Variants in SCNN1G observed in about 807,000 individuals in gnomAD.
The protein encoded by SCNN1G is epithelial sodium channel subunit gamma.
SCNN1G carries 27 observed loss-of-function variants against 64.6 expected under a neutral mutation model. The observed-to-expected ratio is 0.42, with a 90% CI of 0.31 to 0.58. SCNN1G has a LOEUF of 0.58. Ranked by LOEUF, SCNN1G falls within the 20% of genes least tolerant of loss-of-function variation. The probability of loss-of-function intolerance (pLI) is 0.18; values close to 1 mark genes in which losing one functional copy is unlikely to be tolerated. For synonymous variants in SCNN1G, 330 were observed against 314.2 expected (o/e 1.05, Z -0.53); for missense variants, 743 against 823.4 (o/e 0.90, Z 1.19).
chr16:23,206,108 A>G (rs749091933), intron 6 of SCNN1G, among the ~76,000 whole-genome samples: 1 of 152,134 alleles, frequency 6.6e-6, no homozygotes, highest in Non-Finnish European at 1.5e-5. Context: ...TGGGCCCTAA[A>G]ACAGGGTGCA....
At chr16:23,189,904 C>T (rs369779446) in intron 3 of SCNN1G, among the ~76,000 whole-genome samples, 1 of 152,072 alleles carries the variant, frequency 6.6e-6, no homozygotes, top group East Asian at 1.9e-4. Context: ...AAACCCATCT[C>T]CACTAAAATA....
At position 23,212,710 on chromosome 16, in the gene SCNN1G, G is replaced by A. The variant is rs938304160; in HGVS notation, c.1327G>A (p.Val443Ile). 5.6e-6 allele frequency: 9 copies of A among 1,614,050 alleles called. No individual in the cohort carries two copies. The highest frequency in any genetic ancestry group is 1.3e-5 in the African/African-American group (1 of 74,916). Residue 443 changes from valine (V) to isoleucine (I), a missense_variant, in exon 9 of 13, where the codon GTC (valine) becomes ATC (isoleucine). Transcript: ENST00000300061. The stretch of plus-strand genomic sequence containing the variant: ...TTACTACCAACTGCATCGAGCCTTT[G>A]TCCAGGAAGAGCTGGGCTGCCAGTC... ...YCYYQLHRAF[V>I]QEELGCQSVC...
chr16:23,212,807 C>T, intron 9 of SCNN1G, 30 bp from the exon 10 acceptor site: 3 of 1,613,928 alleles, frequency 1.9e-6, no homozygotes, highest in Non-Finnish European at 1.7e-6. Flanking sequence ...GTTGGGCTGC[C>T]TACACTCATG....
At chr16:23,207,566 C>T (rs1342512039) in intron 6 of SCNN1G, among the ~76,000 whole-genome samples, 1 of 152,204 alleles carries the variant, frequency 6.6e-6, no homozygotes, top group Non-Finnish European at 1.5e-5. Flanking sequence ...GACACTCACT[C>T]TTGTTAGTGA....
At chr16:23,184,690 G>A (rs1289879988) in intron 1 of SCNN1G, among the ~76,000 whole-genome samples, 1 of 152,016 alleles carries the variant, frequency 6.6e-6, no homozygotes. Context: ...AAGCTTGGAA[G>A]CCTCCTAGCT....
At chr16:23,207,491 C>T (rs1464765403) in intron 6 of SCNN1G, among the ~76,000 whole-genome samples, 1 of 152,230 alleles carries the variant, frequency 6.6e-6, no homozygotes, top group Admixed American at 6.5e-5. Flanking sequence ...CTGGTGTGCA[C>T]TAGAGGCCCT....
chr16:23,191,822 G>A (rs967958499), intron 3 of SCNN1G, among the ~76,000 whole-genome samples: 14 of 152,176 alleles, frequency 9.2e-5, no homozygotes, highest in African/African-American at 3.1e-4. Flanking sequence ...AGTTCTCATT[G>A]TATATTTCAA....
Position 23,215,276 on chromosome 16 carries a change from G to A in SCNN1G, c.1757G>A (p.Arg586His), listed in dbSNP as rs148179456. ...KQAPPCPEAP[R>H]SPQGQDNPAL... ...GCTCCCCCATGTCCAGAAGCTCCCC[G>A]TAGCCCACAGGGCCAGGACAATCCA... The change falls in exon 13 of 13, where the codon CGT becomes CAT. Residue 586 changes from arginine to histidine, a missense_variant. Coordinates refer to ENST00000300061, the MANE Select transcript of SCNN1G (RefSeq NM_001039.4). The A allele has an allele frequency of 3.2e-5, 51 of 1,614,088 alleles. 1 individual carries two copies. The highest frequency in any genetic ancestry group is 1.7e-4 in the Admixed American group (10 of 60,014).
intron 6 of SCNN1G, among the ~76,000 whole-genome samples, chr16:23,206,899 G>A (rs1478899202): frequency 1.3e-5 from 2 of 152,118 alleles, no homozygotes; most frequent in Non-Finnish European, 2.9e-5. Flanking sequence ...GTCCCTAGGG[G>A]TCAGGATAGA....
rs1429772963 is a variant in SCNN1G at position 23,215,383 on chromosome 16, A to T, written c.1864A>T (p.Thr622Ser). The T allele has an allele frequency of 3.7e-6, 6 of 1,614,104 alleles. 1 individual carries two copies. In the East Asian group the frequency reaches 1.3e-4, roughly 36 times the overall value. ...PPALGTQVPG[T>S]PPPKYNTLRL... ...AGCCCTAGGAACCCAAGTGCCCGGCACACCGCCCCCCAAATACAATACCTT... is the reference window on the plus strand; with the variant it reads ...AGCCCTAGGAACCCAAGTGCCCGGCTCACCGCCCCCCAAATACAATACCTT... The change falls in exon 13 of 13, where the codon ACA (threonine) becomes TCA (serine). Residue 622 changes from threonine to serine, a missense_variant. Physicochemically the swap from Thr to Ser is moderately conservative, Grantham distance 58. Coordinates refer to ENST00000300061, the MANE Select transcript of SCNN1G (RefSeq NM_001039.4).
rs754747376 is a variant in SCNN1G at position 23,189,499 on chromosome 16, G to C, written c.446G>C (p.Gly149Ala). 2.4e-5 allele frequency: 38 copies of C among 1,614,114 alleles called. No homozygotes were observed. The highest frequency in any genetic ancestry group is 3.1e-5 in the Non-Finnish European group (37 of 1,180,056). ...EAESWNSVSEGKQPRFSHRIP... is the reference protein window; with the variant it reads ...EAESWNSVSEAKQPRFSHRIP... ...GAGTCCTGGAACTCCGTCTCAGAGG[G>C]AAAGCAGCCTAGATTCTCCCACCGG... The change falls in exon 3 of 13, where the codon GGA (glycine) becomes GCA (alanine). Residue 149 changes from glycine to alanine, a missense_variant. Coordinates refer to ENST00000300061, the MANE Select transcript of SCNN1G (RefSeq NM_001039.4).
rs13306656 is a variant in SCNN1G at position 23,185,921 on chromosome 16, G to A, written c.-44-307G>A. ...TTCCAGAGTTCCTGCCCAGGAACCC[G>A]GGGAAAGGTCCTGCAGCCTGTCCAG... On this transcript the variant is annotated intron_variant, in intron 1 of 12. Coordinates refer to ENST00000300061, the MANE Select transcript of SCNN1G (RefSeq NM_001039.4). Among the ~76,000 whole-genome samples, 107 of 152,262 alleles carry A rather than the reference G, an allele frequency of 7.0e-4. 3 individuals are homozygous for A. In the East Asian group the frequency reaches 0.014, roughly 19 times the overall value.
chr16:23,211,344 G>A (rs745997452), intron 7 of SCNN1G, among the ~76,000 whole-genome samples: 17 of 152,164 alleles, frequency 1.1e-4, no homozygotes, highest in Non-Finnish European at 2.1e-4. Flanking sequence ...ATCCAACATG[G>A]AGGGGTTGGG....
chr16:23,215,172 G>T lies in SCNN1G; in HGVS notation c.1653G>T (p.Glu551Asp). The stretch of plus-strand genomic sequence containing the variant: ...TTGTCTGCGTCATCGAGATCATCGA[G>T]GTCTTCTTCATTGACTTCTTCTCTA... The part of the protein sequence containing the change: ...CSVVCVIEII[E>D]VFFIDFFSII... The change falls in exon 13 of 13, where the codon GAG (glutamate) becomes GAT (aspartate). Residue 551 changes from glutamate to aspartate, a missense_variant. Glu to Asp is a conservative substitution (Grantham distance 45). Coordinates refer to ENST00000300061, the MANE Select transcript of SCNN1G (RefSeq NM_001039.4). The T allele has an allele frequency of 6.2e-7, 1 of 1,614,138 alleles. No homozygotes were observed. The highest frequency in any genetic ancestry group is 8.5e-7 in the Non-Finnish European group (1 of 1,180,034).
chr16:23,196,430 T>C (rs1959796161), intron 5 of SCNN1G: 1 of 152,244 alleles, frequency 6.6e-6, no homozygotes, highest in South Asian at 2.1e-4. Context: ...AGGTTTATTC[T>C]GTGGCATTCC....
In SCNN1G at chr16:23,212,634, C is replaced by T. The variant is rs372921439; in HGVS notation, c.1295-44C>T. The stretch of plus-strand genomic sequence containing the variant: ...TGACCTGGGGATGGCCAGGAAGGGT[C>T]CTGTGGCTCCAAAGCTCATGCTGCC... On this transcript the variant is annotated intron_variant, in intron 8 of 12. Transcript: ENST00000300061. 61 of 1,500,094 alleles carry T rather than the reference C, an allele frequency of 4.1e-5. No homozygotes were observed. In the Middle Eastern group the frequency reaches 6.8e-4, roughly 17 times the overall value. 92.9% of individuals were successfully genotyped at this position (1,500,094 alleles called of 1,614,324 possible).
rs150854967 is a variant in SCNN1G, at chr16:23,215,410, C to A, written c.1891C>A (p.Arg631Ser). Reference sequence around the variant, plus strand: ...ACCGCCCCCCAAATACAATACCTTGCGCTTGGAGAGGGCCTTTTCCAACCA... The same window carrying A: ...ACCGCCCCCCAAATACAATACCTTGAGCTTGGAGAGGGCCTTTTCCAACCA... ...GTPPPKYNTLRLERAFSNQLT... is the reference protein window; with the variant it reads ...GTPPPKYNTLSLERAFSNQLT... Residue 631 changes from arginine (R) to serine (S), a missense_variant, in exon 13 of 13, where the codon CGC (arginine) becomes AGC (serine). Arg to Ser is a moderately radical substitution (Grantham distance 110). Coordinates refer to ENST00000300061, the MANE Select transcript of SCNN1G (RefSeq NM_001039.4). 1 of 1,613,746 alleles carries A rather than the reference C, an allele frequency of 6.2e-7. No homozygotes were observed. The highest frequency in any genetic ancestry group is 2.2e-5 in the East Asian group (1 of 44,886).
intron 6 of SCNN1G, among the ~76,000 whole-genome samples, chr16:23,203,631 G>A (rs1181611888): frequency 2.0e-5 from 3 of 151,808 alleles, no homozygotes; most frequent in African/African-American, 7.3e-5. Context: ...TTAGCCGGGT[G>A]TGGTGGCAGG....
rs140541457 is a variant in SCNN1G, at chr16:23,197,115, G to A, written c.914-149G>A. 5.0e-4 allele frequency: 358 copies of A among 709,630 alleles called. 2 individuals are homozygous for A. The East Asian group carries it at 8.6e-3, about 17-fold the overall frequency. The allele number at this position is 709,630 out of a possible 1,614,324, so 44.0% of individuals were successfully genotyped here. ...AGTCAGGCATGCATTCCAATCTCACGGAGCTTCCAGTCTAGCCCTCGTCCA... is the reference window on the plus strand; with the variant it reads ...AGTCAGGCATGCATTCCAATCTCACAGAGCTTCCAGTCTAGCCCTCGTCCA... On this transcript the variant is annotated intron_variant, in intron 5 of 12. Coordinates refer to ENST00000300061, the MANE Select transcript of SCNN1G (RefSeq NM_001039.4).
Sources: allele counts gnomAD v4.1 joint callset (sites outside exome capture counted in the v4.1 genomes callset), GRCh38; gene constraint gnomAD v4.1.1; transcripts MANE v1.5; gene names NCBI Gene and HGNC (gene_info 2026-07-23, HGNC 2026-07-21).